PURB: variants seen among roughly 807,000 people sequenced by gnomAD.
PURB encodes the protein transcriptional regulator protein Pur-beta.
Under a neutral mutation model 21.1 loss-of-function variants are expected in PURB, and 11 were observed. The ratio of observed to expected loss-of-function variants is 0.52; its 90% CI spans 0.33 to 0.86. The LOEUF is 0.86. PURB is among the 40% of genes least tolerant of loss of function. The pLI is 0.02. For missense variants in PURB, 357 were observed against 456.5 expected (o/e 0.78, Z 1.99); for synonymous variants, 246 against 210.8 (o/e 1.17, Z -1.45).
In PURB at chr7:44,876,415, T is replaced by G. The variant is rs993718867; in HGVS notation, c.*7995A>C. 1 of 152,650 alleles carries G rather than the reference T, an allele frequency of 6.6e-6. No individual in the cohort carries two copies. Among genetic ancestry groups the G allele is most frequent in the Admixed American group, 6.5e-5 (1 of 15,282 alleles). 9.5% of individuals were successfully genotyped at this position (152,650 alleles called of 1,614,324 possible). ...AGTGCACACCAGCAGGAAGGATTCT[T>G]ACATTTTTTCTCTGTGAGTTTTTCT... On this transcript the variant is annotated 3_prime_UTR_variant, in exon 1 of 1. Coordinates refer to ENST00000395699, the MANE Select transcript of PURB (RefSeq NM_033224.5).
At position 44,876,822 on chromosome 7, in the gene PURB, A is replaced by AT. The variant is rs1793808500; in HGVS notation, c.*7587dup. 1 of 152,654 alleles carries AT rather than the reference A, an allele frequency of 6.6e-6. No individual in the cohort carries two copies. The highest frequency in any genetic ancestry group is 1.5e-5 in the Non-Finnish European group (1 of 68,036). 9.5% of individuals were successfully genotyped at this position (152,654 alleles called of 1,614,324 possible). A position where few individuals can be genotyped will look rare whatever the true frequency, so the allele number is the denominator to read the frequency against. On this transcript the variant is annotated 3_prime_UTR_variant, in exon 1 of 1. Transcript: ENST00000395699. ...TCCCAAATTGATCCTATCACTACAA[A>AT]TTTTAGTGTTTTATTTACAGACATT... is the stretch of plus-strand genomic sequence containing the variant.
chr7:44,885,283 C>G lies in PURB; in HGVS notation c.66G>C (p.Ala22=). The change falls in exon 1 of 1, where the codon GCG becomes GCC. Residue 22 remains alanine, a synonymous_variant. Transcript: ENST00000395699. ...GGGGPCGFQP[A]SRGGGEQETQ... The stretch of plus-strand genomic sequence containing the variant: ...TCTCTTGCTCGCCGCCGCCGCGGGA[C>G]GCGGGCTGGAACCCGCACGGCCCAC... The G allele has an allele frequency of 6.5e-7, 1 of 1,534,300 alleles. No homozygotes were observed. Among genetic ancestry groups the G allele is most frequent in the Non-Finnish European group, 8.7e-7 (1 of 1,151,270 alleles).
rs1793947239 is a variant in PURB, at chr7:44,885,521, GT to G, written c.-174del. 1 of 160,124 alleles carries G rather than the reference GT, an allele frequency of 6.2e-6. No homozygotes were observed. The highest frequency in any genetic ancestry group is 6.6e-5 in the Admixed American group (1 of 15,248). 9.9% of individuals were successfully genotyped at this position (160,124 alleles called of 1,614,324 possible). On this transcript the variant is annotated 5_prime_UTR_variant, in exon 1 of 1. Coordinates refer to ENST00000395699, the MANE Select transcript of PURB (RefSeq NM_033224.5). ...TCCGCGCCCCGCCCCCGCGACTTCC[GT>G]GCAGCCCTAGCCACTTCCGGCGCGC...
chr7:44,885,070 G>A lies in PURB; in HGVS notation c.279C>T (p.His93=), dbSNP rs1562803088. The A allele has an allele frequency of 6.3e-7, 1 of 1,577,812 alleles. No individual in the cohort carries two copies. The highest frequency in any genetic ancestry group is 1.8e-5 in the Admixed American group (1 of 55,530). ...GGCTGCTAGGGCCCAGCTGCGCGTA[G>A]TGTTCTATGAAGTCGCCCAGCGAGT... ...FRDSLGDFIE[H]YAQLGPSSPE... The change falls in exon 1 of 1, where the codon CAC becomes CAT. Residue 93 remains histidine, a synonymous_variant. Coordinates refer to ENST00000395699, the MANE Select transcript of PURB (RefSeq NM_033224.5).
In PURB at chr7:44,885,288, G is replaced by C. The variant is rs760762662; in HGVS notation, c.61C>G (p.Pro21Ala). 7.9e-6 allele frequency: 12 copies of C among 1,524,946 alleles called. No homozygotes were observed. In the African/African-American group the frequency reaches 1.4e-4, roughly 18 times the overall value. The allele number at this position is 1,524,946 out of a possible 1,614,324, so 94.5% of individuals were successfully genotyped here. The change falls in exon 1 of 1, where the codon CCC becomes GCC. Residue 21 changes from proline (P) to alanine (A), a missense_variant. Transcript: ENST00000395699. The part of the protein sequence containing the change: ...GGGGGPCGFQ[P>A]ASRGGGEQET... ...TGCTCGCCGCCGCCGCGGGACGCGGGCTGGAACCCGCACGGCCCACCGCCG... is the reference window on the plus strand; with the variant it reads ...TGCTCGCCGCCGCCGCGGGACGCGGCCTGGAACCCGCACGGCCCACCGCCG...
At position 44,884,878 on chromosome 7, in the gene PURB, G is replaced by C; in HGVS notation, c.471C>G (p.Phe157Leu). 6.4e-7 allele frequency: 1 copy of C among 1,558,098 alleles called. No individual in the cohort carries two copies. The highest frequency in any genetic ancestry group is 8.7e-7 in the Non-Finnish European group (1 of 1,154,648). The stretch of plus-strand genomic sequence containing the variant: ...AGCCGCCCGGCCCGGGGCCCGCGCC[G>C]AAGCCGCCACCGCCGCGGTTGACCG... ...RQTVNRGGGG[F>L]GAGPGPGGLQ... Residue 157 changes from phenylalanine (F) to leucine (L), a missense_variant, in exon 1 of 1, where the codon TTC becomes TTG. Phe to Leu is a conservative substitution (Grantham distance 22). Transcript: ENST00000395699.
rs1225263086 is a variant in PURB, at chr7:44,882,894, T to G, written c.*1516A>C. The G allele has an allele frequency of 6.6e-6, 1 of 152,210 alleles. No homozygotes were observed. The highest frequency in any genetic ancestry group is 1.5e-5 in the Non-Finnish European group (1 of 68,038). 9.4% of individuals were successfully genotyped at this position (152,210 alleles called of 1,614,324 possible). ...GTGGGATTAACTTGATTAGTAAAAA[T>G]CATTTCTACTGAAAATCCATTTAAA... is the stretch of plus-strand genomic sequence containing the variant. On this transcript the variant is annotated 3_prime_UTR_variant, in exon 1 of 1. Coordinates refer to ENST00000395699, the MANE Select transcript of PURB (RefSeq NM_033224.5).
Position 44,877,828 on chromosome 7 carries a change from A to G in PURB, c.*6582T>C, listed in dbSNP as rs1793822189. On this transcript the variant is annotated 3_prime_UTR_variant, in exon 1 of 1. Transcript: ENST00000395699. ...CGTCTCAAAAAAAAAAAAAGAATCC[A>G]GAGAGCTTTTGTACACAGGGATGAC... is the stretch of plus-strand genomic sequence containing the variant. 1 of 152,024 alleles carries G rather than the reference A, an allele frequency of 6.6e-6. No individual in the cohort carries two copies. Among genetic ancestry groups the G allele is most frequent in the Non-Finnish European group, 1.5e-5 (1 of 68,038 alleles). The allele number at this position is 152,024 out of a possible 1,614,324, so 9.4% of individuals were successfully genotyped here. A position where few individuals can be genotyped will look rare whatever the true frequency, so the allele number is the denominator to read the frequency against.
Position 44,885,354 on chromosome 7 carries a change from A to G in PURB, c.-6T>C, listed in dbSNP as rs1183279367. The G allele has an allele frequency of 9.4e-6, 11 of 1,169,614 alleles. No individual in the cohort carries two copies. In the Admixed American group the frequency reaches 1.3e-4, roughly 14 times the overall value. 72.5% of individuals were successfully genotyped at this position (1,169,614 alleles called of 1,614,324 possible). A position where few individuals can be genotyped will look rare whatever the true frequency, so the allele number is the denominator to read the frequency against. On this transcript the variant is annotated 5_prime_UTR_variant, in exon 1 of 1. Transcript: ENST00000395699. ...CCGCTGTCGCCGTCCGCCATCTTCT[A>G]GGCCGCCGCCTCGCCGCCACCGCCC...
Position 44,883,074 on chromosome 7 carries a change from G to A in PURB, c.*1336C>T, listed in dbSNP as rs1026487628. The A allele has an allele frequency of 6.6e-6, 1 of 152,562 alleles. No homozygotes were observed. Among genetic ancestry groups the A allele is most frequent in the African/African-American group, 2.4e-5 (1 of 41,432 alleles). 9.5% of individuals were successfully genotyped at this position (152,562 alleles called of 1,614,324 possible). A position where few individuals can be genotyped will look rare whatever the true frequency, so the allele number is the denominator to read the frequency against. Reference sequence around the variant, plus strand: ...CACGTTCACTTCAGTTCCATTCACAGATGGATTTCAGCTTCCACCGGGTGC... The same window carrying A: ...CACGTTCACTTCAGTTCCATTCACAAATGGATTTCAGCTTCCACCGGGTGC... On this transcript the variant is annotated 3_prime_UTR_variant, in exon 1 of 1. Coordinates refer to ENST00000395699, the MANE Select transcript of PURB (RefSeq NM_033224.5).
Position 44,876,713 on chromosome 7 carries a change from CTTCT to C in PURB, c.*7693_*7696del, listed in dbSNP as rs1793807533. On this transcript the variant is annotated 3_prime_UTR_variant, in exon 1 of 1. Transcript: ENST00000395699. ...AGCTCTATGTTTGTTAAAGTGCATTCTTCTTTAAAAAATAAGAGGAATAATCTTT... is the reference window on the plus strand; with the variant it reads ...AGCTCTATGTTTGTTAAAGTGCATTCTTAAAAAATAAGAGGAATAATCTTT... 4 of 152,600 alleles carry C rather than the reference CTTCT, an allele frequency of 2.6e-5. No individual in the cohort carries two copies. The South Asian group carries it at 8.3e-4, about 32-fold the overall frequency. The allele number at this position is 152,600 out of a possible 1,614,324, so 9.5% of individuals were successfully genotyped here.
rs1321042428 is a variant in PURB, at chr7:44,885,311, C to T, written c.38G>A (p.Gly13Asp). ...GGGCTGGAACCCGCACGGCCCACCGCCGCCGCCGCGCTCGCTGCCGCTGTC... is the reference window on the plus strand; with the variant it reads ...GGGCTGGAACCCGCACGGCCCACCGTCGCCGCCGCGCTCGCTGCCGCTGTC... ...DGDSGSERGGGGGPCGFQPAS... is the reference protein window; with the variant it reads ...DGDSGSERGGDGGPCGFQPAS... The change falls in exon 1 of 1, where the codon GGC becomes GAC. Residue 13 changes from glycine (G) to aspartate (D), a missense_variant. Coordinates refer to ENST00000395699, the MANE Select transcript of PURB (RefSeq NM_033224.5). 2.2e-6 allele frequency: 3 copies of T among 1,366,254 alleles called. No individual in the cohort carries two copies. Among genetic ancestry groups the T allele is most frequent in the South Asian group, 1.8e-5 (1 of 55,866 alleles). The allele number at this position is 1,366,254 out of a possible 1,614,324, so 84.6% of individuals were successfully genotyped here. A position where few individuals can be genotyped will look rare whatever the true frequency, so the allele number is the denominator to read the frequency against.
chr7:44,885,445 G>C lies in PURB; in HGVS notation c.-97C>G. 1 of 298,498 alleles carries C rather than the reference G, an allele frequency of 3.4e-6. No individual in the cohort carries two copies. The highest frequency in any genetic ancestry group is 4.9e-6 in the Non-Finnish European group (1 of 203,338). The allele number at this position is 298,498 out of a possible 1,614,324, so 18.5% of individuals were successfully genotyped here. A position where few individuals can be genotyped will look rare whatever the true frequency, so the allele number is the denominator to read the frequency against. ...CCCCCCAGCCTCGCCCGCCCGGCTC[G>C]CTCACGCGCTCCCGCCGCTCATCGC... On this transcript the variant is annotated 5_prime_UTR_variant, in exon 1 of 1. Coordinates refer to ENST00000395699, the MANE Select transcript of PURB (RefSeq NM_033224.5).
Position 44,877,795 on chromosome 7 carries a change from C to G in PURB, c.*6615G>C, listed in dbSNP as rs1583741730. On this transcript the variant is annotated 3_prime_UTR_variant, in exon 1 of 1. Coordinates refer to ENST00000395699, the MANE Select transcript of PURB (RefSeq NM_033224.5). Reference sequence around the variant, plus strand: ...CTCACTCCAGCCTGGACGATAAGAGCGAAACTCCGTCTCAAAAAAAAAAAA... The same window carrying G: ...CTCACTCCAGCCTGGACGATAAGAGGGAAACTCCGTCTCAAAAAAAAAAAA... 1 of 150,284 alleles carries G rather than the reference C, an allele frequency of 6.7e-6. No homozygotes were observed. The highest frequency in any genetic ancestry group is 1.5e-5 in the Non-Finnish European group (1 of 67,814). 9.3% of individuals were successfully genotyped at this position (150,284 alleles called of 1,614,324 possible).
At position 44,878,334 on chromosome 7, in the gene PURB, T is replaced by G. The variant is rs1793829155; in HGVS notation, c.*6076A>C. 6.6e-6 allele frequency: 1 copy of G among 152,234 alleles called. No individual in the cohort carries two copies. Among genetic ancestry groups the G allele is most frequent in the African/African-American group, 2.4e-5 (1 of 41,468 alleles). 9.4% of individuals were successfully genotyped at this position (152,234 alleles called of 1,614,324 possible). ...GTTTTCTTACCCATGTCAATGGATA[T>G]TAGATATAACACAAGGAAAATGAAA... On this transcript the variant is annotated 3_prime_UTR_variant, in exon 1 of 1. Transcript: ENST00000395699.
Position 44,884,471 on chromosome 7 carries a change from C to G in PURB, c.878G>C (p.Arg293Pro), listed in dbSNP as rs924067125. The change falls in exon 1 of 1, where the codon CGA becomes CCA. Residue 293 changes from arginine to proline, a missense_variant. Arg to Pro is a moderately radical substitution (Grantham distance 103, BLOSUM62 -2). Transcript: ENST00000395699. Reference sequence around the variant, plus strand: ...GCCGCCGCCGCTGCCCCCACCACGTCGCTCATAAAGCTTATCCCTCTGTCG... The same window carrying G: ...GCCGCCGCCGCTGCCCCCACCACGTGGCTCATAAAGCTTATCCCTCTGTCG... ...QERQRDKLYERRGGGSGGGEE... is the reference protein window; with the variant it reads ...QERQRDKLYEPRGGGSGGGEE... The G allele has an allele frequency of 6.2e-7, 1 of 1,613,910 alleles. No homozygotes were observed. The highest frequency in any genetic ancestry group is 8.5e-7 in the Non-Finnish European group (1 of 1,180,012).
rs1793881188 is a variant in PURB, at chr7:44,881,910, A to C, written c.*2500T>G. On this transcript the variant is annotated 3_prime_UTR_variant, in exon 1 of 1. Transcript: ENST00000395699. ...GCTAGTTACTGCAATTCAGCCAAAC[A>C]AAAAGAAAAAAGAATAAACCAACCC... is the stretch of plus-strand genomic sequence containing the variant. The C allele has an allele frequency of 6.5e-6, 1 of 154,716 alleles. No homozygotes were observed. Among genetic ancestry groups the C allele is most frequent in the African/African-American group, 2.4e-5 (1 of 41,524 alleles). 9.6% of individuals were successfully genotyped at this position (154,716 alleles called of 1,614,324 possible). A position where few individuals can be genotyped will look rare whatever the true frequency, so the allele number is the denominator to read the frequency against.
In PURB at chr7:44,884,830, C is replaced by T; in HGVS notation, c.519G>A (p.Ala173=). The T allele has an allele frequency of 6.3e-7, 1 of 1,578,184 alleles. No homozygotes were observed. The change falls in exon 1 of 1, where the codon GCG becomes GCA. Residue 173 remains alanine, a synonymous_variant. Coordinates refer to ENST00000395699, the MANE Select transcript of PURB (RefSeq NM_033224.5). ...PGGLQSGQTI[A]LPAQGLIEFR... ...ACTCGATGAGGCCCTGCGCAGGCAGCGCGATGGTCTGGCCGCTCTGCAAGC... is the reference window on the plus strand; with the variant it reads ...ACTCGATGAGGCCCTGCGCAGGCAGTGCGATGGTCTGGCCGCTCTGCAAGC...
In PURB at chr7:44,882,863, G is replaced by C. The variant is rs1475711224; in HGVS notation, c.*1547C>G. On this transcript the variant is annotated 3_prime_UTR_variant, in exon 1 of 1. Transcript: ENST00000395699. ...TATGACATTTCTAGGAATACCTTTT[G>C]ATGGGGTGGGATTAACTTGATTAGT... is the stretch of plus-strand genomic sequence containing the variant. 6.6e-6 allele frequency: 1 copy of C among 152,188 alleles called. No homozygotes were observed. The highest frequency in any genetic ancestry group is 2.4e-5 in the African/African-American group (1 of 41,448). The allele number at this position is 152,188 out of a possible 1,614,324, so 9.4% of individuals were successfully genotyped here.
Sources: gnomAD v4.1 joint callset for allele counts on GRCh38, gnomAD v4.1.1 for gene constraint, MANE v1.5 for transcripts, NCBI Gene and HGNC (gene_info 2026-07-23, HGNC 2026-07-21) for gene names.